EPHB1: variants seen among roughly 807,000 people sequenced by gnomAD.
EPHB1 encodes ephrin type-B receptor 1.
EPHB1 carries 30 observed loss-of-function variants against 94.4 expected under a neutral mutation model. The observed-to-expected ratio is 0.32, with a 90% CI of 0.24 to 0.43. The LOEUF is 0.43. Ranked by LOEUF, EPHB1 falls within the 20% of genes least tolerant of loss-of-function variation. The pLI is 1.00. For synonymous variants in EPHB1, 522 were observed against 489.1 expected, an observed-to-expected ratio of 1.07 and a Z score of -0.89; for missense variants, 1,055 against 1,308.3, an observed-to-expected ratio of 0.81 and a Z score of 2.99.
In EPHB1 at chr3:135,117,559, T is replaced by C. The variant is rs1939766455; in HGVS notation, c.961+10956T>C. Among the ~76,000 whole-genome samples, 3 of 152,314 alleles carry C rather than the reference T, an allele frequency of 2.0e-5. No individual in the cohort carries two copies. The South Asian group carries it at 6.2e-4, about 32-fold the overall frequency. The stretch of plus-strand genomic sequence containing the variant: ...TACCTCCACCCCATTAAATAAAAAG[T>C]GTTCTGGCTCTGAAGCCACATCAAG... On this transcript the variant is annotated intron_variant, in intron 4 of 15. Coordinates refer to ENST00000398015, the MANE Select transcript of EPHB1 (RefSeq NM_004441.5).
At chr3:135,004,721 A>G (rs1935325281) in intron 3 of EPHB1, among the ~76,000 whole-genome samples, 1 of 150,778 alleles carries the variant, frequency 6.6e-6, no homozygotes, top group South Asian at 2.1e-4. Flanking sequence ...ATCTTCCATT[A>G]CTGATACCCT....
intron 10 of EPHB1, 60 bp from the exon 11 acceptor site, chr3:135,192,516 C>T (rs2107709878): frequency 6.3e-7 from 1 of 1,581,100 alleles, no homozygotes; most frequent in South Asian, 1.2e-5. Flanking sequence ...TAGATGACTT[C>T]CCTCTTGAGT....
At chr3:135,008,547 AT>A (rs1441887840) in intron 3 of EPHB1, among the ~76,000 whole-genome samples, 1 of 152,234 alleles carries the variant, frequency 6.6e-6, no homozygotes, top group African/African-American at 2.4e-5. Context: ...TTGAAAGTGG[AT>A]TTGAAACACG....
chr3:135,201,720 G>A, intron 12 of EPHB1, 31 bp downstream of exon 12: 1 of 1,602,938 alleles, frequency 6.2e-7, no homozygotes, highest in South Asian at 1.1e-5. Context: ...TCAAGTAGAA[G>A]CATGGCATGA....
chr3:134,904,434 C>G (rs1455228710), intron 1 of EPHB1, among the ~76,000 whole-genome samples: 1 of 152,022 alleles, frequency 6.6e-6, no homozygotes, highest in African/African-American at 2.4e-5. Context: ...TGGAGGGGTG[C>G]CTGCGAGTGG....
At chr3:134,986,273 G>T (rs1934590822) in intron 3 of EPHB1, among the ~76,000 whole-genome samples, 1 of 152,204 alleles carries the variant, frequency 6.6e-6, no homozygotes, top group African/African-American at 2.4e-5. Flanking sequence ...AGTGGTGACA[G>T]GGTATTCAGT....
rs138106735 is a variant in EPHB1 at position 135,089,622 on chromosome 3, G to C, written c.806-16826G>C. On this transcript the variant is annotated intron_variant, in intron 3 of 15. Coordinates refer to ENST00000398015, the MANE Select transcript of EPHB1 (RefSeq NM_004441.5). ...TTAAGAGGGCTTTGCTGGCCTGACC[G>C]TAAAGCCTGAAAGGTGAGAGTGGGC... Among the ~76,000 whole-genome samples the C allele has an allele frequency of 1.9e-3, 289 of 152,272 alleles. 4 individuals are homozygous for C. Among genetic ancestry groups the C allele is most frequent in the African/African-American group, 6.7e-3 (280 of 41,540 alleles).
At chr3:135,013,725 C>G (rs1935696589) in intron 3 of EPHB1, among the ~76,000 whole-genome samples, 3 of 152,234 alleles carry the variant, frequency 2.0e-5, no homozygotes, top group Non-Finnish European at 2.9e-5. Context: ...TCCACAACCT[C>G]CCTTGGTAAC....
Position 135,061,051 on chromosome 3 carries a change from C to T in EPHB1, c.806-45397C>T, listed in dbSNP as rs115539855. Among the ~76,000 whole-genome samples the T allele has an allele frequency of 6.6e-3, 1,000 of 151,616 alleles. 7 individuals are homozygous for T. Among genetic ancestry groups the T allele is most frequent in the African/African-American group, 0.023 (926 of 41,032 alleles). On this transcript the variant is annotated intron_variant, in intron 3 of 15. Transcript: ENST00000398015. ...ATAAATGAGAATATGTGATATTTGT[C>T]TTTCTGTTTCTGGCTTATCTCACTT...
intron 12 of EPHB1, among the ~76,000 whole-genome samples, chr3:135,204,452 CA>C (rs1942844346): frequency 6.6e-6 from 1 of 151,972 alleles, no homozygotes. Flanking sequence ...TTGATCTGGC[CA>C]CCTTGGTCTC....
chr3:134,930,365 A>G (rs9866157), intron 2 of EPHB1, among the ~76,000 whole-genome samples: 26,320 of 152,300 alleles, frequency 0.17, 2,894 homozygotes, highest in Middle Eastern at 0.3. Context: ...CTTTCATTGA[A>G]GGCCTTTAGG....
chr3:134,929,438 A>G (rs1026134689), intron 2 of EPHB1, among the ~76,000 whole-genome samples: 4 of 152,196 alleles, frequency 2.6e-5, no homozygotes, highest in Admixed American at 1.3e-4. Context: ...ACAACTGTGC[A>G]CGGGTGAGGA....
At chr3:135,183,233 TCCCTCCCTCCCTTTCTTCCTTC>T (rs1942231484) in intron 10 of EPHB1, among the ~76,000 whole-genome samples, 2 of 108,358 alleles carry the variant, frequency 1.8e-5, no homozygotes, top group Admixed American at 1.1e-4. Context: ...CCTCCCTTCC[TCCCTCCCTCCCTTTCTTCCTTC>T]CTTCCTTCCT....
In EPHB1 at chr3:135,162,175, C is replaced by A. The variant is rs1185754917; in HGVS notation, c.1580C>A (p.Thr527Asn). 2.5e-6 allele frequency: 4 copies of A among 1,603,408 alleles called. No individual in the cohort carries two copies. Among genetic ancestry groups the A allele is most frequent in the African/African-American group, 2.7e-5 (2 of 74,602 alleles). Residue 527 changes from threonine to asparagine, a missense_variant, in exon 7 of 16, where the codon ACT becomes AAT. Thr to Asn is a moderately conservative substitution (Grantham distance 65). Transcript: ENST00000398015. ...FSGKMCFQTLTDDDYKSELRE... is the reference protein window; with the variant it reads ...FSGKMCFQTLNDDDYKSELRE... ...GGCAAGATGTGCTTCCAGACTCTGA[C>A]TGACGGTAAGGGTCGGGGAGGGCAG...
rs1940460060 is a variant in EPHB1 at position 135,132,647 on chromosome 3, G to A, written c.962-67G>A. ...TGAGGTTGGGAATGCACCAGAGGCA[G>A]ACAAGAGAGCTGCCGGACAAGGAAG... On this transcript the variant is annotated intron_variant, in intron 4 of 15. Coordinates refer to ENST00000398015, the MANE Select transcript of EPHB1 (RefSeq NM_004441.5). The A allele has an allele frequency of 4.2e-6, 6 of 1,426,460 alleles. No homozygotes were observed. The Admixed American group carries it at 1.2e-4, about 28-fold the overall frequency. 88.4% of individuals were successfully genotyped at this position (1,426,460 alleles called of 1,614,324 possible). A position where few individuals can be genotyped will look rare whatever the true frequency, so the allele number is the denominator to read the frequency against.
intron 3 of EPHB1, among the ~76,000 whole-genome samples, chr3:135,097,220 C>T (rs7372166): frequency 0.74 from 102,795 of 139,408 alleles, 38,398 homozygotes; most frequent in East Asian, 0.95. Context: ...GCACTGCTGA[C>T]TTGGAGACCA....
At chr3:135,175,765 A>T (rs1347335143) in intron 9 of EPHB1, among the ~76,000 whole-genome samples, 2 of 152,176 alleles carry the variant, frequency 1.3e-5, no homozygotes, top group Admixed American at 1.3e-4. Context: ...ATTACATCTG[A>T]TATTATTATT....
chr3:135,022,262 G>A (rs1014142028), intron 3 of EPHB1, among the ~76,000 whole-genome samples: 7 of 152,166 alleles, frequency 4.6e-5, no homozygotes, highest in East Asian at 3.9e-4. Context: ...GAGCCACCGC[G>A]CCCGGCCTGT....
At chr3:134,924,376 A>T (rs2038747503) in intron 1 of EPHB1, among the ~76,000 whole-genome samples, 1 of 152,266 alleles carries the variant, frequency 6.6e-6, no homozygotes, top group South Asian at 2.1e-4. Flanking sequence ...AGAATATATA[A>T]AGACCTCTCA....
Sources: allele counts gnomAD v4.1 joint callset (sites outside exome capture counted in the v4.1 genomes callset), GRCh38; gene constraint gnomAD v4.1.1; transcripts MANE v1.5; gene names NCBI Gene and HGNC (gene_info 2026-07-23, HGNC 2026-07-21).